The following ATG7 variants were observed in gnomAD, a reference collection of about 807,000 sequenced individuals.
The protein encoded by ATG7 is autophagy related 7, also known as ubiquitin-like modifier-activating enzyme ATG7.
Under a neutral mutation model 82.4 loss-of-function variants are expected in ATG7, and 70 were observed. The ratio of observed to expected loss-of-function variants is 0.85; its 90% CI spans 0.70 to 1.04. The LOEUF is 1.04. Ranked by LOEUF, ATG7 falls within the 50% of genes least tolerant of loss-of-function variation. The pLI, the probability that ATG7 is intolerant of heterozygous loss-of-function variation, is 0.00. For synonymous variants in ATG7, 287 were observed against 313.0 expected (o/e 0.92, Z 0.88); for missense variants, 792 against 864.3 (o/e 0.92, Z 1.05).
intron 20 of ATG7, among the ~76,000 whole-genome samples, chr3:11,543,746 C>CA (rs2071033875): frequency 6.6e-6 from 1 of 152,088 alleles, no homozygotes; most frequent in Admixed American, 6.6e-5. Flanking sequence ...CTAAAAATAC[C>CA]AAAAAATTAG....
In ATG7 at chr3:11,348,090, TG is replaced by T. The variant is rs975154080; in HGVS notation, c.1284+58del. On this transcript the variant is annotated intron_variant, in intron 14 of 20. Transcript: ENST00000693202. Reference sequence around the variant, plus strand: ...GTTATATGTATAAATGTTTAAGTCTTGGGAAATGAGGCCTGTGGCATTGAAG... The same window carrying T: ...GTTATATGTATAAATGTTTAAGTCTTGGAAATGAGGCCTGTGGCATTGAAG... The T allele has an allele frequency of 7.5e-5, 116 of 1,547,034 alleles. No individual in the cohort carries two copies. The African/African-American group carries it at 1.3e-3, about 18-fold the overall frequency.
chr3:11,544,173 C>T (rs1184192495), intron 20 of ATG7, among the ~76,000 whole-genome samples: 1 of 152,194 alleles, frequency 6.6e-6, no homozygotes, highest in Non-Finnish European at 1.5e-5. Context: ...TGAGAGTAGG[C>T]AGGGCTAATT....
chr3:11,324,195 T>C (rs1950563820), intron 9 of ATG7, among the ~76,000 whole-genome samples: 1 of 152,212 alleles, frequency 6.6e-6, no homozygotes, highest in South Asian at 2.1e-4. Flanking sequence ...GTTCGCACAA[T>C]TAATTTGTGG....
At chr3:11,480,104 T>G (rs2088758608) in intron 20 of ATG7, among the ~76,000 whole-genome samples, 1 of 152,110 alleles carries the variant, frequency 6.6e-6, no homozygotes, top group Non-Finnish European at 1.5e-5. Flanking sequence ...ATTTTTTTTT[T>G]GTATTTTTAG....
At chr3:11,453,360 A>G (rs1438175003) in intron 20 of ATG7, among the ~76,000 whole-genome samples, 1 of 152,214 alleles carries the variant, frequency 6.6e-6, no homozygotes, top group Non-Finnish European at 1.5e-5. Context: ...TTCATGAAAG[A>G]TAATACTAGA....
At chr3:11,315,093 G>C (rs1374243380) in intron 8 of ATG7, among the ~76,000 whole-genome samples, 1 of 152,094 alleles carries the variant, frequency 6.6e-6, no homozygotes, top group East Asian at 1.9e-4. Flanking sequence ...TGACAGCTTA[G>C]GGAACTACCA....
At chr3:11,531,401 C>T (rs1334256066) in intron 20 of ATG7, among the ~76,000 whole-genome samples, 1 of 152,184 alleles carries the variant, frequency 6.6e-6, no homozygotes. Context: ...GGGGTGCAAC[C>T]CACCTGGCAA....
chr3:11,532,472 C>T (rs1164655910), intron 20 of ATG7, among the ~76,000 whole-genome samples: 2 of 152,134 alleles, frequency 1.3e-5, no homozygotes, highest in Non-Finnish European at 2.9e-5. Context: ...CCTGTAATCC[C>T]AGTGCTTTGG....
At chr3:11,575,550 C>T in the ATG7 span, among the ~76,000 whole-genome samples, 19 of 152,294 alleles carry the variant, frequency 1.2e-4, no homozygotes, top group South Asian at 3.7e-3. Flanking sequence ...GTGCAAGGGA[C>T]GGAAGACACT....
At chr3:11,539,620 G>A (rs2070656793) in intron 20 of ATG7, among the ~76,000 whole-genome samples, 1 of 152,140 alleles carries the variant, frequency 6.6e-6, no homozygotes, top group African/African-American at 2.4e-5. Flanking sequence ...AAAAGACACG[G>A]TATTTCTCTT....
At chr3:11,496,390 A>G (rs1247313107) in intron 20 of ATG7, among the ~76,000 whole-genome samples, 2 of 152,174 alleles carry the variant, frequency 1.3e-5, no homozygotes, top group Non-Finnish European at 2.9e-5. Context: ...TTTCCCAAGG[A>G]TAAGAGAATG....
intron 9 of ATG7, among the ~76,000 whole-genome samples, chr3:11,323,518 A>G (rs973060156): frequency 6.6e-6 from 1 of 152,220 alleles, no homozygotes; most frequent in Non-Finnish European, 1.5e-5. Flanking sequence ...ACAGATCACC[A>G]TCTTTCAGGC....
At chr3:11,492,296 A>T (rs2090436456) in intron 20 of ATG7, among the ~76,000 whole-genome samples, 2 of 152,180 alleles carry the variant, frequency 1.3e-5, no homozygotes, top group Admixed American at 1.3e-4. Context: ...TTCCCGAGTG[A>T]GGCAATGCCT....
At chr3:11,476,106 A>G (rs2088181011) in intron 20 of ATG7, among the ~76,000 whole-genome samples, 2 of 152,184 alleles carry the variant, frequency 1.3e-5, no homozygotes, top group East Asian at 3.9e-4. Flanking sequence ...ACCACACTGC[A>G]AAGGGTCAGG....
At chr3:11,454,922 C>G (rs545435880) in intron 20 of ATG7, among the ~76,000 whole-genome samples, 1 of 152,180 alleles carries the variant, frequency 6.6e-6, no homozygotes, top group African/African-American at 2.4e-5. Flanking sequence ...AACTCAAACC[C>G]TGCCTCCCAG....
At chr3:11,552,097 G>C (rs914794102) in intron 20 of ATG7, among the ~76,000 whole-genome samples, 1 of 152,198 alleles carries the variant, frequency 6.6e-6, no homozygotes, top group African/African-American at 2.4e-5. Flanking sequence ...CATGTGGTGG[G>C]TTATAATTGG....
intron 19 of ATG7, among the ~76,000 whole-genome samples, chr3:11,407,438 T>C (rs536355937): frequency 6.6e-6 from 1 of 152,220 alleles, no homozygotes; most frequent in African/African-American, 2.4e-5. Context: ...TGTCAGTGGA[T>C]CTATCATTCT....
At position 11,299,384 on chromosome 3, in the gene ATG7, T is replaced by G. The variant is rs1401465690; in HGVS notation, c.183T>G (p.Ala61=). The G allele has an allele frequency of 3.7e-6, 6 of 1,612,858 alleles. No homozygotes were observed. In the Admixed American group the frequency reaches 6.7e-5, roughly 18 times the overall value. The change falls in exon 5 of 21, where the codon GCT becomes GCG. Residue 61 remains alanine, a synonymous_variant. Transcript: ENST00000693202. ...CAGGTGACTCTGCTGGGCTGCCAGC[T>G]CGCTTAACATTGGAGTTCAGTGCTT... ...YYNGDSAGLP[A]RLTLEFSAFD...
intron 20 of ATG7, among the ~76,000 whole-genome samples, chr3:11,535,826 C>T (rs541261126): frequency 5.1e-4 from 77 of 152,354 alleles, no homozygotes; most frequent in Non-Finnish European, 9.8e-4. Context: ...CTGCCAGCTT[C>T]GCACCCTTGC....
Sources: allele counts gnomAD v4.1 joint callset (sites outside exome capture counted in the v4.1 genomes callset), GRCh38; gene constraint gnomAD v4.1.1; transcripts MANE v1.5; gene names NCBI Gene and HGNC (gene_info 2026-07-23, HGNC 2026-07-21).